The following IST1 variants were observed in gnomAD, a reference collection of about 807,000 sequenced individuals.
IST1 encodes the protein IST1 homolog.
A neutral mutation model predicts 37.0 loss-of-function variants in IST1; 23 were observed. The ratio of observed to expected loss-of-function variants is 0.62; its 90% confidence interval spans 0.45 to 0.88. The LOEUF (loss-of-function observed/expected upper bound fraction) is 0.88, where lower values mean the gene tolerates loss of function less well. Ranked by LOEUF, IST1 falls within the 40% of genes least tolerant of loss-of-function variation. The pLI is 0.00. For missense variants in IST1, 488 were observed against 445.4 expected (o/e 1.10, Z -0.86); for synonymous variants, 180 against 161.7 (o/e 1.11, Z -0.86).
In IST1 at chr16:71,906,128, C is replaced by G. The variant is rs556524213; in HGVS notation, c.-15-9498C>G. Among the ~76,000 whole-genome samples the G allele has an allele frequency of 1.1e-4, 17 of 150,822 alleles. No homozygotes were observed. In the East Asian group the frequency reaches 1.8e-3, roughly 16 times the overall value. The stretch of plus-strand genomic sequence containing the variant: ...AACCAATTCTCCTGCCTCAGCCTCC[C>G]GAGTAGCTGAGACTACAGGCGAGTG... On this transcript the variant is annotated intron_variant, in intron 1 of 9. Coordinates refer to ENST00000378799, the MANE Select transcript of IST1 (RefSeq NM_001270975.2).
intron 2 of IST1, among the ~76,000 whole-genome samples, chr16:71,916,032 C>T (rs1410717829): frequency 5.3e-5 from 8 of 152,036 alleles, no homozygotes; most frequent in South Asian, 2.1e-4. Flanking sequence ...GATTTCACCA[C>T]GTTGGCCAGG....
intron 1 of IST1, among the ~76,000 whole-genome samples, chr16:71,905,314 A>G (rs1449614302): frequency 6.6e-6 from 1 of 150,866 alleles, no homozygotes; most frequent in Admixed American, 6.6e-5. Flanking sequence ...GATTATGGGC[A>G]TGAGCCACCA....
At chr16:71,923,631 A>C (rs1323593832) in intron 8 of IST1, 1 of 344,892 alleles carries the variant, frequency 2.9e-6, no homozygotes, top group East Asian at 6.5e-5. Context: ...GATTTCTTAG[A>C]AAGTTGTAGT....
At chr16:71,915,865 C>A in intron 2 of IST1, 137 bp downstream of exon 2, 1 of 573,552 alleles carries the variant, frequency 1.7e-6, no homozygotes, top group South Asian at 2.0e-5. Flanking sequence ...GGGTCTCACT[C>A]TGTCGCCCAG....
At chr16:71,908,926 C>G in intron 1 of IST1, among the ~76,000 whole-genome samples, 1 of 152,122 alleles carries the variant, frequency 6.6e-6, no homozygotes, top group East Asian at 1.9e-4. Context: ...TACATGCATT[C>G]TGTTCAGGTT....
chr16:71,926,400 G>C (rs2037744622), intron 9 of IST1, among the ~76,000 whole-genome samples: 1 of 151,430 alleles, frequency 6.6e-6, no homozygotes, highest in African/African-American at 2.4e-5. Context: ...CTGGAATGCA[G>C]TGGCGTGATC....
rs10711796 is a variant in IST1 at position 71,898,964 on chromosome 16, CAA to C, written c.-16+3393_-16+3394del. Among the ~76,000 whole-genome samples the C allele has an allele frequency of 8.9e-3, 976 of 110,268 alleles. 6 individuals are homozygous for C. The highest frequency in any genetic ancestry group is 0.027 in the African/African-American group (799 of 30,064). 72.3% of individuals were successfully genotyped at this position (110,268 alleles called of 152,430 possible). On this transcript the variant is annotated intron_variant, in intron 1 of 9. Transcript: ENST00000378799. ...TGGGCAGCAGAGCAAGCCTCTATCT[CAA>C]AAAAAAAAAAAAAAAAAGAAACACT... is the stretch of plus-strand genomic sequence containing the variant.
chr16:71,925,215 G>T lies in IST1; in HGVS notation c.901+398G>T, dbSNP rs1450492778. 2.6e-5 allele frequency among the ~76,000 whole-genome samples: 4 copies of T among 151,352 alleles called. No homozygotes were observed. In the South Asian group the frequency reaches 8.3e-4, roughly 31 times the overall value. ...TTTTTAGTAGAGACGGGGTTTCACCGTGTTAGCCAGGATGGTCTCGATCTC... is the reference window on the plus strand; with the variant it reads ...TTTTTAGTAGAGACGGGGTTTCACCTTGTTAGCCAGGATGGTCTCGATCTC... On this transcript the variant is annotated intron_variant, in intron 9 of 9. Coordinates refer to ENST00000378799, the MANE Select transcript of IST1 (RefSeq NM_001270975.2).
At chr16:71,915,070 G>T (rs2037438995) in intron 1 of IST1, among the ~76,000 whole-genome samples, 1 of 152,150 alleles carries the variant, frequency 6.6e-6, no homozygotes, top group African/African-American at 2.4e-5. Flanking sequence ...AGATGTCAAT[G>T]ATATTTCTGT....
chr16:71,896,234 C>G (rs1028216156), intron 1 of IST1, among the ~76,000 whole-genome samples: 1 of 152,062 alleles, frequency 6.6e-6, no homozygotes, highest in Non-Finnish European at 1.5e-5. Flanking sequence ...TTTCTCGGTG[C>G]TCTTCTTCCG....
At chr16:71,922,426 C>G (rs768348380) in intron 6 of IST1, 48 bp from the exon 7 acceptor site, 1 of 1,520,284 alleles carries the variant, frequency 6.6e-7, no homozygotes, top group Non-Finnish European at 9.1e-7. Flanking sequence ...TCTGGGGAAC[C>G]TGGCCTTGGA....
intron 2 of IST1, 109 bp downstream of exon 2, chr16:71,915,837 G>A: frequency 1.5e-6 from 1 of 648,036 alleles, no homozygotes; most frequent in South Asian, 1.9e-5. Context: ...ATTTTTTTTT[G>A]TTGTTTTTGT....
At chr16:71,902,468 C>G (rs866755250) in intron 1 of IST1, among the ~76,000 whole-genome samples, 3 of 152,170 alleles carry the variant, frequency 2.0e-5, no homozygotes, top group African/African-American at 7.2e-5. Context: ...TGGGGTTTCA[C>G]CATGTTGGCC....
intron 1 of IST1, among the ~76,000 whole-genome samples, chr16:71,909,002 A>G (rs74029715): frequency 8.1e-4 from 120 of 148,236 alleles, no homozygotes; most frequent in African/African-American, 2.7e-3. Flanking sequence ...TTTTGTTTCT[A>G]TTTTTAAGGA....
At chr16:71,906,002 CTTTTTTT>C (rs35581900) in intron 1 of IST1, among the ~76,000 whole-genome samples, 6 of 127,734 alleles carry the variant, frequency 4.7e-5, no homozygotes, top group Admixed American at 1.6e-4. Flanking sequence ...TTAAGCAATT[CTTTTTTT>C]TTTTTTTTTT....
At chr16:71,922,362 C>T (rs2037613397) in intron 6 of IST1, 112 bp from the exon 7 acceptor site, 5 of 865,286 alleles carry the variant, frequency 5.8e-6, no homozygotes, top group South Asian at 1.6e-5. Flanking sequence ...GTGTTGATCC[C>T]AGAAGCACTC....
rs769933464 is a variant in IST1 at position 71,927,677 on chromosome 16, A to G, written c.965A>G (p.Asn322Ser). 5 of 1,613,812 alleles carry G rather than the reference A, an allele frequency of 3.1e-6. No individual in the cohort carries two copies. The highest frequency in any genetic ancestry group is 1.7e-5 in the Admixed American group (1 of 59,986). Residue 322 changes from asparagine (N) to serine (S), a missense_variant, in exon 10 of 10, where the codon AAC becomes AGC. By Grantham distance (46) the Asn-to-Ser change is conservative. This residue lies in a region of IST1 where 455 missense variants were observed against 386.2 expected (regional missense o/e 1.18). Coordinates refer to ENST00000378799, the MANE Select transcript of IST1 (RefSeq NM_001270975.2). Reference protein sequence around the residue: ...LPSRPADNYDNFVLPELPSVP... With the variant: ...LPSRPADNYDSFVLPELPSVP... Reference sequence around the variant, plus strand: ...TCCAGACCTGCAGATAACTATGACAACTTTGTCCTACCAGAGTTGCCATCT... The same window carrying G: ...TCCAGACCTGCAGATAACTATGACAGCTTTGTCCTACCAGAGTTGCCATCT...
At chr16:71,927,274 G>T (rs1165200557) in intron 9 of IST1, among the ~76,000 whole-genome samples, 2 of 151,884 alleles carry the variant, frequency 1.3e-5, no homozygotes, top group African/African-American at 4.8e-5. Context: ...TGAGGTGTGT[G>T]GATCACTTGA....
chr16:71,920,699 A>G, intron 4 of IST1, 40 bp from the exon 5 acceptor site: 2 of 1,404,310 alleles, frequency 1.4e-6, no homozygotes, highest in Non-Finnish European at 2.0e-6. Context: ...AGTCCGTTGG[A>G]GTGGTCTCTA....
Sources: gnomAD v4.1 joint callset for allele counts (sites outside exome capture counted in the v4.1 genomes callset) on GRCh38, gnomAD v4.1.1 for gene constraint, gnomAD v4.1.1 regional missense constraint, MANE v1.5 for transcripts, NCBI Gene and HGNC (gene_info 2026-07-23, HGNC 2026-07-21) for gene names.